Variants in WDR33 observed in about 807,000 individuals in gnomAD.
The protein encoded by WDR33 is pre-mRNA 3' end processing protein WDR33.
Under a neutral mutation model 164.9 loss-of-function variants are expected in WDR33, and 47 were observed. That is an observed-to-expected ratio of 0.29 (90% CI 0.23 to 0.36). The LOEUF is 0.36. Among genes scored for constraint, WDR33 ranks in the 10% least tolerant of loss-of-function variants. The pLI, the probability that WDR33 is intolerant of heterozygous loss-of-function variation, is 1.00. For synonymous variants in WDR33, 505 were observed against 589.0 expected (o/e 0.86, Z 2.06); for missense variants, 1,137 against 1,754.1 (o/e 0.65, Z 6.28).
At chr2:127,760,897 A>T (rs1445939993) in intron 7 of WDR33, among the ~76,000 whole-genome samples, 3 of 152,094 alleles carry the variant, frequency 2.0e-5, no homozygotes, top group Non-Finnish European at 4.4e-5. Context: ...AAATAAAGAG[A>T]CCTCATACAA....
intron 7 of WDR33, among the ~76,000 whole-genome samples, chr2:127,752,915 C>CTTTATTTA (rs547909506): frequency 1.3e-5 from 2 of 151,948 alleles, no homozygotes; most frequent in African/African-American, 2.4e-5. Context: ...ACTTATAAGA[C>CTTTATTTA]TTTATTTATT....
rs1227772188 is a variant in WDR33, at chr2:127,764,120, A to C, written c.626+708T>G. On this transcript the variant is annotated intron_variant, in intron 6 of 21. Transcript: ENST00000322313. The surrounding 1 kb of genome is among the most constrained non-coding windows in gnomAD (Gnocchi z 6.2). ...GCTTGTATTTGGAACTTTTTCCCCCAGTTTTACTATACATACCTCACTGAT... is the reference window on the plus strand; with the variant it reads ...GCTTGTATTTGGAACTTTTTCCCCCCGTTTTACTATACATACCTCACTGAT... The C allele has an allele frequency of 1.0e-6, 1 of 989,386 alleles. No individual in the cohort carries two copies. Among genetic ancestry groups the C allele is most frequent in the Non-Finnish European group, 1.2e-6 (1 of 832,948 alleles). 61.3% of individuals were successfully genotyped at this position (989,386 alleles called of 1,614,324 possible).
chr2:127,754,201 T>C (rs527971165), intron 7 of WDR33, among the ~76,000 whole-genome samples: 119 of 152,314 alleles, frequency 7.8e-4, no homozygotes, highest in African/African-American at 2.7e-3. Flanking sequence ...AACATCTCCT[T>C]ATGGGATACA....
intron 7 of WDR33, among the ~76,000 whole-genome samples, chr2:127,747,814 C>T (rs1312956731): frequency 6.6e-6 from 1 of 152,160 alleles, no homozygotes; most frequent in Non-Finnish European, 1.5e-5. Flanking sequence ...TCAATATGTT[C>T]AAGAAAGTAA....
At chr2:127,798,596 C>G (rs910568925) in intron 1 of WDR33, among the ~76,000 whole-genome samples, 3 of 151,958 alleles carry the variant, frequency 2.0e-5, no homozygotes, top group African/African-American at 7.3e-5. Context: ...AAAAGCCTAA[C>G]CAGTTAACTA....
intron 1 of WDR33, among the ~76,000 whole-genome samples, chr2:127,796,660 T>C (rs1399434476): frequency 6.6e-6 from 1 of 152,064 alleles, no homozygotes; most frequent in African/African-American, 2.4e-5. Flanking sequence ...CATTACATGC[T>C]TTTTTATTCC....
Position 127,713,546 on chromosome 2 carries a change from C to A in WDR33, c.3308+37G>T, listed in dbSNP as rs768215454. The stretch of plus-strand genomic sequence containing the variant: ...TGGAGACAGCAGATAAAAAGCTCCA[C>A]TGAAGATGGAATGGGCCCACAAAGT... On this transcript the variant is annotated intron_variant, in intron 18 of 21. Coordinates refer to ENST00000322313, the MANE Select transcript of WDR33 (RefSeq NM_018383.5). This position sits in a 1 kb window ranked among gnomAD's most constrained non-coding sequence, Gnocchi z 6.2. The A allele has an allele frequency of 6.2e-7, 1 of 1,603,878 alleles. No individual in the cohort carries two copies. The highest frequency in any genetic ancestry group is 1.1e-5 in the South Asian group (1 of 89,608).
chr2:127,740,720 G>A (rs983016202), intron 7 of WDR33, among the ~76,000 whole-genome samples: 1 of 152,240 alleles, frequency 6.6e-6, no homozygotes, highest in Admixed American at 6.5e-5. Context: ...TATCAGGAAA[G>A]AGGTAAGGAA....
chr2:127,751,132 G>A (rs111952587), intron 7 of WDR33, among the ~76,000 whole-genome samples: 11,532 of 151,802 alleles, frequency 0.076, 453 homozygotes, highest in Non-Finnish European at 0.092. Context: ...AGGCAGAGGC[G>A]GGAGGATCAC....
At chr2:127,737,136 A>C (rs1251815060) in intron 7 of WDR33, 3 of 985,332 alleles carry the variant, frequency 3.0e-6, no homozygotes. Context: ...ACATTTTTTT[A>C]AAGGCTACTT....
At chr2:127,773,089 T>C (rs1401438933) in intron 1 of WDR33, among the ~76,000 whole-genome samples, 1 of 152,112 alleles carries the variant, frequency 6.6e-6, no homozygotes, top group Non-Finnish European at 1.5e-5. Flanking sequence ...TGAACCATGA[T>C]AGCACCACTG....
chr2:127,744,002 C>T lies in WDR33; in HGVS notation c.725-17225G>A, dbSNP rs560007458. 4.6e-5 allele frequency among the ~76,000 whole-genome samples: 7 copies of T among 152,270 alleles called. No homozygotes were observed. The South Asian group carries it at 1.0e-3, about 23-fold the overall frequency. On this transcript the variant is annotated intron_variant, in intron 7 of 21. Transcript: ENST00000322313. ...GATTTTTAAATTTCATATTCCATCC[C>T]TCTATGGGGCTGGAGGAAAGACTTT... is the stretch of plus-strand genomic sequence containing the variant.
chr2:127,723,351 T>C lies in WDR33; in HGVS notation c.1197-4A>G. ...TCGGTTTCGAGTCCAGAATTTGCTG[T>C]AAAAATAATTAAAGGAGAAAAGAAG... On this transcript the variant is annotated splice_polypyrimidine_tract_variant and splice_region_variant and intron_variant, in intron 11 of 21. Transcript: ENST00000322313. The surrounding 1 kb of genome is among the most constrained non-coding windows in gnomAD (Gnocchi z 5.9). 1 of 1,612,914 alleles carries C rather than the reference T, an allele frequency of 6.2e-7. No homozygotes were observed.
At chr2:127,794,684 A>T (rs1688962036) in intron 1 of WDR33, among the ~76,000 whole-genome samples, 1 of 151,450 alleles carries the variant, frequency 6.6e-6, no homozygotes, top group African/African-American at 2.4e-5. Flanking sequence ...AAATACAAAA[A>T]TTAGCCAGGT....
At chr2:127,731,152 G>T (rs1686695298) in intron 7 of WDR33, among the ~76,000 whole-genome samples, 1 of 151,774 alleles carries the variant, frequency 6.6e-6, no homozygotes, top group African/African-American at 2.4e-5. Context: ...AAAATTAGCT[G>T]GGCATGGTGA....
chr2:127,810,615 G>C (rs913658069), intron 1 of WDR33: 1 of 152,226 alleles, frequency 6.6e-6, no homozygotes, highest in African/African-American at 2.4e-5. Flanking sequence ...CTGTTTTGCA[G>C]ATTTCACGTT....
chr2:127,756,250 C>T (rs1687515309), intron 7 of WDR33, among the ~76,000 whole-genome samples: 1 of 150,980 alleles, frequency 6.6e-6, no homozygotes, highest in African/African-American at 2.4e-5. Context: ...ACGAGAATTG[C>T]TTGAACCCGG....
rs567818615 is a variant in WDR33 at position 127,714,974 on chromosome 2, G to T, written c.2870-953C>A. Among the ~76,000 whole-genome samples the T allele has an allele frequency of 2.6e-5, 4 of 151,986 alleles. No individual in the cohort carries two copies. In the East Asian group the frequency reaches 5.8e-4, roughly 22 times the overall value. On this transcript the variant is annotated intron_variant, in intron 17 of 21. Coordinates refer to ENST00000322313, the MANE Select transcript of WDR33 (RefSeq NM_018383.5). This position sits in a 1 kb window ranked among gnomAD's most constrained non-coding sequence, Gnocchi z 4.3. ...AAATTCCTCCAATAGCCCAGTTCAT[G>T]CCTTTTACTGCTTTTCCCTGGCTAT...
At chr2:127,771,643 T>C (rs540271253) in intron 1 of WDR33, among the ~76,000 whole-genome samples, 44 of 152,144 alleles carry the variant, frequency 2.9e-4, no homozygotes, top group Non-Finnish European at 5.0e-4. Flanking sequence ...CTGGACATGA[T>C]GGCATGCACC....
Sources: gnomAD v4.1 joint callset for allele counts (sites outside exome capture counted in the v4.1 genomes callset) on GRCh38, gnomAD v4.1.1 for gene constraint, Gnocchi (gnomAD v3.1) non-coding constraint, MANE v1.5 for transcripts, NCBI Gene and HGNC (gene_info 2026-07-23, HGNC 2026-07-21) for gene names.